The following RUFY4 variants were observed in gnomAD, a reference collection of about 807,000 sequenced individuals.
RUFY4 encodes RUN and FYVE domain containing 4, also known as RUN and FYVE domain-containing protein 4.
In RUFY4, 73 loss-of-function variants were observed where a neutral mutation model predicts 69.0. The observed-to-expected ratio is 1.06, with a 90% CI of 0.88 to 1.29. RUFY4 has a LOEUF of 1.29. Among genes scored for constraint, RUFY4 ranks in the 50% most tolerant of loss-of-function variants. The pLI, the probability that RUFY4 is intolerant of heterozygous loss-of-function variation, is 0.00. For missense variants in RUFY4, 770 were observed against 705.6 expected (o/e 1.09, Z -1.03); for synonymous variants, 287 against 271.8 (o/e 1.06, Z -0.55).
intron 2 of RUFY4, among the ~76,000 whole-genome samples, chr2:218,043,326 C>T (rs1447865767): frequency 6.6e-6 from 1 of 152,044 alleles, no homozygotes; most frequent in African/African-American, 2.4e-5. Flanking sequence ...GATAGCTCCT[C>T]TCTGCAGCTG....
chr2:218,070,468 G>A, upstream of RUFY4: 1 of 754,722 alleles, frequency 1.3e-6, no homozygotes. Flanking sequence ...AACTTGCTAT[G>A]TCACCCAAGA....
exon 7 of RUFY4, chr2:218,075,732 G>A (rs1275979350): frequency 1.2e-5 from 18 of 1,441,146 alleles, no homozygotes; most frequent in East Asian, 2.4e-5. Context: ...CCTGCAGGAC[G>A]AGATCAAGGT....
upstream of RUFY4, among the ~76,000 whole-genome samples, chr2:218,064,624 A>G (rs1689279317): frequency 6.6e-6 from 1 of 152,062 alleles, no homozygotes; most frequent in Non-Finnish European, 1.5e-5. Flanking sequence ...ACTTGAGGCC[A>G]AGTCTGAGCC....
intron 2 of RUFY4, among the ~76,000 whole-genome samples, chr2:218,051,532 T>C (rs1370675324): frequency 6.7e-6 from 1 of 150,086 alleles, no homozygotes; most frequent in Non-Finnish European, 1.5e-5. Context: ...AGAACGTTCT[T>C]GTCCTAAGAT....
intron 2 of RUFY4, among the ~76,000 whole-genome samples, chr2:218,072,104 A>C (rs944245263): frequency 1.6e-4 from 25 of 152,222 alleles, no homozygotes; most frequent in African/African-American, 5.8e-4. Context: ...GTTTGTTCAT[A>C]GTTGTATCCC....
chr2:218,056,612 A>G (rs570531014), intron 2 of RUFY4, among the ~76,000 whole-genome samples: 14 of 152,326 alleles, frequency 9.2e-5, no homozygotes, highest in African/African-American at 3.4e-4. Context: ...ATGAAAATTG[A>G]TTACATAAAT....
intron 2 of RUFY4, among the ~76,000 whole-genome samples, chr2:218,071,084 AC>A (rs1689475232): frequency 6.6e-6 from 1 of 152,144 alleles, no homozygotes; most frequent in Non-Finnish European, 1.5e-5. Context: ...TGGTGGTGGG[AC>A]CCAGACCTGG....
At chr2:218,041,016 ATGGT>A (rs1316163306) in intron 2 of RUFY4, among the ~76,000 whole-genome samples, 6 of 151,318 alleles carry the variant, frequency 4.0e-5, no homozygotes, top group African/African-American at 1.5e-4. Flanking sequence ...TTCTCTAGAG[ATGGT>A]TCTCTAGAGA....
chr2:218,062,437 G>A (rs1284128506), intron 3 of RUFY4, among the ~76,000 whole-genome samples: 3 of 151,590 alleles, frequency 2.0e-5, no homozygotes, highest in African/African-American at 7.3e-5. Flanking sequence ...AAGTGGCCGG[G>A]CATGGTGGCT....
intron 10 of RUFY4, 91 bp downstream of exon 12, chr2:218,089,453 A>G (rs2106079466): frequency 9.3e-7 from 1 of 1,076,182 alleles, no homozygotes; most frequent in Non-Finnish European, 1.4e-6. Context: ...GGAGGGACAC[A>G]GGAACTGGGT....
rs575731106 is a variant in RUFY4, at chr2:218,046,888, G to T, written c.-1158+11494G>T. ...TGGAAACTCTCAATGTTAATTTGAG[G>T]TCCAAAAGACTTGATTTAGAATGTG... On this transcript the variant is annotated intron_variant and NMD_transcript_variant, in intron 2 of 13. Coordinates refer to the RUFY4 transcript ENST00000457754. 1.9e-4 allele frequency among the ~76,000 whole-genome samples: 29 copies of T among 152,098 alleles called. 1 individual carries two copies. The South Asian group carries it at 6.0e-3, about 32-fold the overall frequency.
At chr2:218,040,866 G>C (rs1959052007) in intron 2 of RUFY4, among the ~76,000 whole-genome samples, 2 of 151,956 alleles carry the variant, frequency 1.3e-5, no homozygotes. Flanking sequence ...AATCTATAGG[G>C]GTACGAGACC....
intron 6 of RUFY4, 179 bp downstream of exon 8, chr2:218,074,064 G>A: frequency 1.5e-6 from 1 of 658,528 alleles, no homozygotes; most frequent in South Asian, 1.9e-5. Context: ...GGAGGAGAGG[G>A]CTCCTATTCC....
exon 7 of RUFY4, chr2:218,075,666 C>A: frequency 6.7e-7 from 1 of 1,495,954 alleles, no homozygotes; most frequent in Non-Finnish European, 8.9e-7. Flanking sequence ...GGAGAATCCA[C>A]AAGTGCAAAC....
At chr2:218,066,723 C>T (rs934590143), upstream of RUFY4, among the ~76,000 whole-genome samples, 1 of 152,220 alleles carries the variant, frequency 6.6e-6, no homozygotes, top group African/African-American at 2.4e-5. Flanking sequence ...TGCTGCAATG[C>T]TATTCAGAGG....
At chr2:218,053,684 G>C (rs1334773453) in intron 2 of RUFY4, among the ~76,000 whole-genome samples, 1 of 151,518 alleles carries the variant, frequency 6.6e-6, no homozygotes, top group Admixed American at 6.6e-5. Context: ...TAATTTTTTT[G>C]TATTTTTTGT....
chr2:218,045,794 T>C (rs1204834652), intron 2 of RUFY4, among the ~76,000 whole-genome samples: 1 of 144,122 alleles, frequency 6.9e-6, no homozygotes. Flanking sequence ...TACATATTTA[T>C]GGGGTACATA....
chr2:218,045,302 A>G (rs187830764), intron 2 of RUFY4, among the ~76,000 whole-genome samples: 1 of 152,310 alleles, frequency 6.6e-6, no homozygotes, highest in Non-Finnish European at 1.5e-5. Context: ...GAACTTGCCC[A>G]TTTATGTCCT....
chr2:218,049,370 G>A (rs1559422428), intron 2 of RUFY4, among the ~76,000 whole-genome samples: 2 of 152,100 alleles, frequency 1.3e-5, no homozygotes, highest in Non-Finnish European at 2.9e-5. Flanking sequence ...TGATATTTGA[G>A]GTTGAAAGTT....
Sources: allele counts gnomAD v4.1 joint callset (sites outside exome capture counted in the v4.1 genomes callset), GRCh38; gene constraint gnomAD v4.1.1; transcripts MANE v1.5; gene names NCBI Gene and HGNC (gene_info 2026-07-23, HGNC 2026-07-21).